Variants in CXADR observed in about 807,000 individuals in gnomAD.
CXADR encodes CXADR cell adhesion molecule.
A neutral mutation model predicts 40.3 loss-of-function variants in CXADR; 20 were observed. That is an observed-to-expected ratio of 0.50 (90% CI 0.35 to 0.72). The LOEUF (loss-of-function observed/expected upper bound fraction) is 0.72, where lower values mean the gene tolerates loss of function less well. Among genes scored for constraint, CXADR ranks in the 30% least tolerant of loss-of-function variants. CXADR has a pLI of 0.01. For synonymous variants in CXADR, 150 were observed against 161.3 expected (o/e 0.93, Z 0.53); for missense variants, 332 against 449.1 (o/e 0.74, Z 2.36).
intron 7 of CXADR, among the ~76,000 whole-genome samples, chr21:17,583,950 T>C (rs2061377431): frequency 6.6e-6 from 1 of 152,202 alleles, no homozygotes. Flanking sequence ...TTCCTTCCTT[T>C]TGTTGCTATG....
chr21:17,581,516 A>G (rs1462734959), intron 7 of CXADR, among the ~76,000 whole-genome samples: 2 of 152,128 alleles, frequency 1.3e-5, no homozygotes, highest in African/African-American at 4.8e-5. Flanking sequence ...CTCTCTTTCA[A>G]TTTGCTCAGT....
chr21:17,565,393 T>C (rs1345333284), intron 6 of CXADR, 35 bp from the exon 7 acceptor site: 4 of 1,599,826 alleles, frequency 2.5e-6, no homozygotes, highest in Admixed American at 1.7e-5. Flanking sequence ...TAGAAACTTA[T>C]TCTCTTGACA....
the CXADR span, chr21:17,613,572 G>C: frequency 6.6e-6 from 1 of 152,314 alleles, no homozygotes; most frequent in Non-Finnish European, 1.5e-5. Context: ...ACCGGCCACT[G>C]TGTTTTGCAT....
intron 1 of CXADR, among the ~76,000 whole-genome samples, chr21:17,540,800 A>G (rs1309694437): frequency 6.6e-6 from 1 of 152,182 alleles, no homozygotes; most frequent in East Asian, 1.9e-4. Context: ...GTGCTGATTT[A>G]CTTTCTGTGT....
Position 17,589,548 on chromosome 21 carries a change from C to T in CXADR, c.1018-3604C>T, listed in dbSNP as rs1307293635. Among the ~76,000 whole-genome samples, 5 of 151,518 alleles carry T rather than the reference C, an allele frequency of 3.3e-5. No individual in the cohort carries two copies. The East Asian group carries it at 5.8e-4, about 18-fold the overall frequency. ...CTAACTACCATTAACAATTTTTTGCCCCCAGACAATACTAGCACCATTCTA... is the reference window on the plus strand; with the variant it reads ...CTAACTACCATTAACAATTTTTTGCTCCCAGACAATACTAGCACCATTCTA... On this transcript the variant is annotated intron_variant, in intron 7 of 7. Coordinates refer to the CXADR transcript ENST00000400169.
chr21:17,592,108 G>A (rs1343452182), intron 7 of CXADR, among the ~76,000 whole-genome samples: 1 of 151,900 alleles, frequency 6.6e-6, no homozygotes, highest in African/African-American at 2.4e-5. Context: ...TCATTTAATC[G>A]TCAGAACTAA....
intron 1 of CXADR, among the ~76,000 whole-genome samples, chr21:17,525,857 T>G (rs2060592496): frequency 6.6e-6 from 1 of 152,252 alleles, no homozygotes; most frequent in South Asian, 2.1e-4. Flanking sequence ...ATTGTGGCAT[T>G]GGTGTTAGAA....
chr21:17,584,697 G>A (rs779763618), intron 7 of CXADR, among the ~76,000 whole-genome samples: 3 of 152,144 alleles, frequency 2.0e-5, no homozygotes, highest in Non-Finnish European at 2.9e-5. Flanking sequence ...TGGACATGGT[G>A]GCGGGCACCT....
chr21:17,554,075 G>A (rs974371583), intron 3 of CXADR, among the ~76,000 whole-genome samples: 2 of 152,174 alleles, frequency 1.3e-5, no homozygotes, highest in African/African-American at 4.8e-5. Context: ...TTTGATTATC[G>A]GAATTATTTA....
At chr21:17,549,981 G>C (rs1214295461) in intron 2 of CXADR, among the ~76,000 whole-genome samples, 1 of 152,178 alleles carries the variant, frequency 6.6e-6, no homozygotes, top group Non-Finnish European at 1.5e-5. Context: ...GAGTAAGTCA[G>C]CTGTGGACCC....
intron 7 of CXADR, among the ~76,000 whole-genome samples, chr21:17,587,402 T>A (rs1482190379): frequency 6.6e-6 from 1 of 152,202 alleles, no homozygotes. Flanking sequence ...CAGCACCTGT[T>A]GTTTCCTGAC....
rs1435831615 is a variant in CXADR, at chr21:17,565,827, A to G, written c.*135A>G. ...AAGTTAATCAGGAACTGTACGGAAT[A>G]TATTTTTAAAAATTTTTGTTTGGTT... On this transcript the variant is annotated 3_prime_UTR_variant, in exon 7 of 7. Coordinates refer to ENST00000284878, the MANE Select transcript of CXADR (RefSeq NM_001338.5). 15 of 1,328,528 alleles carry G rather than the reference A, an allele frequency of 1.1e-5. No individual in the cohort carries two copies. The highest frequency in any genetic ancestry group is 5.6e-5 in the East Asian group (2 of 36,008). The allele number at this position is 1,328,528 out of a possible 1,614,324, so 82.3% of individuals were successfully genotyped here.
chr21:17,598,906 ACATGC>A, the CXADR span: 1 of 1,068,766 alleles, frequency 9.4e-7, no homozygotes, highest in Non-Finnish European at 1.3e-6. Flanking sequence ...AGAGATCTGG[ACATGC>A]CATCAATACA....
At chr21:17,579,907 A>G (rs116662187) in intron 7 of CXADR, among the ~76,000 whole-genome samples, 1,738 of 151,830 alleles carry the variant, frequency 0.011, 34 homozygotes, top group African/African-American at 0.04. Context: ...AACCTTTCCT[A>G]TTCATTTACT....
At chr21:17,631,232 T>C in the CXADR span, among the ~76,000 whole-genome samples, 1 of 152,228 alleles carries the variant, frequency 6.6e-6, no homozygotes, top group Non-Finnish European at 1.5e-5. Flanking sequence ...GGTAGAATCA[T>C]GTAAAATTCA....
intron 7 of CXADR, among the ~76,000 whole-genome samples, chr21:17,590,227 TA>T (rs1473129648): frequency 2.0e-4 from 6 of 30,108 alleles, no homozygotes; most frequent in East Asian, 6.1e-4. Flanking sequence ...TGTAGCTAGG[TA>T]TTTTTTTTTT....
At chr21:17,546,967 C>A (rs1490540611) in intron 1 of CXADR, 60 bp from the exon 2 acceptor site, 4 of 1,583,236 alleles carry the variant, frequency 2.5e-6, no homozygotes, top group Non-Finnish European at 3.4e-6. Context: ...GGCTGCGGGG[C>A]ACTGTGTGGG....
downstream of CXADR, chr21:17,594,104 C>T: frequency 6.2e-7 from 1 of 1,612,820 alleles, no homozygotes. Flanking sequence ...TAGTGAGGTG[C>T]TAACATGTGA....
In CXADR at chr21:17,561,668, G is replaced by T. The variant is rs17760603; in HGVS notation, c.833+192G>T. ...CAGAGCTCCAACCACCATTCGTTGT[G>T]CCCCGCTCCCCAACCTTCTCGTACC... On this transcript the variant is annotated intron_variant, in intron 6 of 6. Coordinates refer to ENST00000284878, the MANE Select transcript of CXADR (RefSeq NM_001338.5). Among the ~76,000 whole-genome samples, 493 of 152,210 alleles carry T rather than the reference G, an allele frequency of 3.2e-3. 23 individuals are homozygous for T. In the East Asian group the frequency reaches 0.082, roughly 25 times the overall value.
Sources: allele counts gnomAD v4.1 joint callset (sites outside exome capture counted in the v4.1 genomes callset), GRCh38; gene constraint gnomAD v4.1.1; transcripts MANE v1.5; gene names NCBI Gene and HGNC (gene_info 2026-07-23, HGNC 2026-07-21).